The following PCMT1 variants were observed in gnomAD, a reference collection of about 807,000 sequenced individuals.
PCMT1 encodes protein-L-isoaspartate (D-aspartate) O-methyltransferase.
PCMT1 carries 9 observed loss-of-function variants against 29.2 expected under a neutral mutation model. The ratio of observed to expected loss-of-function variants is 0.31; its 90% CI spans 0.19 to 0.54. The LOEUF (loss-of-function observed/expected upper bound fraction) is 0.54, where lower values mean the gene tolerates loss of function less well. PCMT1 is among the 20% of genes least tolerant of loss of function. The probability of loss-of-function intolerance (pLI) is 0.95; values close to 1 mark genes in which losing one functional copy is unlikely to be tolerated. For missense variants in PCMT1, 184 were observed against 282.2 expected, an observed-to-expected ratio of 0.65 and a Z score of 2.49; for synonymous variants, 98 against 97.5, an observed-to-expected ratio of 1.00 and a Z score of -0.03.
chr6:149,804,365 T>G (rs1337278918), intron 7 of PCMT1, among the ~76,000 whole-genome samples: 1 of 152,100 alleles, frequency 6.6e-6, no homozygotes, highest in East Asian at 1.9e-4. Context: ...GCCTATAATT[T>G]ATAATTTATA....
intron 3 of PCMT1, among the ~76,000 whole-genome samples, chr6:149,774,880 G>A (rs990564533): frequency 6.6e-6 from 1 of 151,240 alleles, no homozygotes; most frequent in Non-Finnish European, 1.5e-5. Context: ...CTAGTTTTTT[G>A]TATTTTTTAG....
At chr6:149,808,225 T>C (rs1288093643) in intron 7 of PCMT1, among the ~76,000 whole-genome samples, 2 of 152,060 alleles carry the variant, frequency 1.3e-5, no homozygotes, top group African/African-American at 4.8e-5. Context: ...TATATACAGT[T>C]ATTAACCTAA....
chr6:149,766,477 CAG>C (rs1262163917), intron 1 of PCMT1, among the ~76,000 whole-genome samples: 6 of 152,170 alleles, frequency 3.9e-5, no homozygotes, highest in African/African-American at 7.2e-5. Context: ...ATGTGACAAA[CAG>C]AAAGTGTAAC....
At chr6:149,794,247 G>A (rs1183867445) in intron 5 of PCMT1, among the ~76,000 whole-genome samples, 1 of 152,142 alleles carries the variant, frequency 6.6e-6, no homozygotes, top group Non-Finnish European at 1.5e-5. Context: ...TTGTGTATGT[G>A]TGAGGTAAAG....
At chr6:149,800,399 G>A (rs1357655419) in intron 6 of PCMT1, among the ~76,000 whole-genome samples, 2 of 152,126 alleles carry the variant, frequency 1.3e-5, no homozygotes, top group African/African-American at 4.8e-5. Flanking sequence ...AACCTGGGAG[G>A]CGGAGGTTGC....
At position 149,789,945 on chromosome 6, in the gene PCMT1, T is replaced by C. The variant is rs1388704794; in HGVS notation, c.193-9T>C. On this transcript the variant is annotated splice_polypyrimidine_tract_variant and intron_variant, in intron 3 of 7. Coordinates refer to ENST00000464889, the MANE Select transcript of PCMT1 (RefSeq NM_001360452.2). The stretch of plus-strand genomic sequence containing the variant: ...TAGTCTTAATGAATATTTTGTTTTC[T>C]TTTGGCAGCATGCATATGCGCTAGA... The C allele has an allele frequency of 6.3e-7, 1 of 1,576,994 alleles. No homozygotes were observed. The highest frequency in any genetic ancestry group is 1.9e-5 in the Admixed American group (1 of 52,700).
intron 6 of PCMT1, among the ~76,000 whole-genome samples, chr6:149,800,068 GT>G (rs1335385754): frequency 6.6e-6 from 1 of 152,130 alleles, no homozygotes; most frequent in Non-Finnish European, 1.5e-5. Context: ...GAAGTCAGCT[GT>G]TTTTCATTAT....
chr6:149,808,843 A>T (rs576205272), intron 7 of PCMT1, among the ~76,000 whole-genome samples: 1 of 151,758 alleles, frequency 6.6e-6, no homozygotes, highest in Non-Finnish European at 1.5e-5. Flanking sequence ...TCACCATGTT[A>T]GCCAGGATGG....
chr6:149,753,354 C>T (rs1562392975), intron 1 of PCMT1, among the ~76,000 whole-genome samples: 1 of 127,928 alleles, frequency 7.8e-6, no homozygotes. Flanking sequence ...TTTTTTGAGA[C>T]AGAGTTTCGC....
Position 149,789,841 on chromosome 6 carries a change from G to A in PCMT1, c.193-113G>A, listed in dbSNP as rs527238692. ...CTGGGCAGATAGCCAAGATAACTTG[G>A]TTATCTTGGTAGATGACAATAGTAG... is the stretch of plus-strand genomic sequence containing the variant. On this transcript the variant is annotated intron_variant, in intron 3 of 7. Coordinates refer to ENST00000464889, the MANE Select transcript of PCMT1 (RefSeq NM_001360452.2). 30 of 555,330 alleles carry A rather than the reference G, an allele frequency of 5.4e-5. No individual in the cohort carries two copies. The South Asian group carries it at 9.5e-4, about 18-fold the overall frequency. 34.4% of individuals were successfully genotyped at this position (555,330 alleles called of 1,614,324 possible). A position where few individuals can be genotyped will look rare whatever the true frequency, so the allele number is the denominator to read the frequency against.
intron 3 of PCMT1, among the ~76,000 whole-genome samples, chr6:149,786,157 G>A (rs531157097): frequency 4.0e-5 from 4 of 99,688 alleles, no homozygotes; most frequent in East Asian, 6.3e-4. Flanking sequence ...CTGGCCGGGC[G>A]GGGGGCTGAC....
At chr6:149,758,305 G>A (rs1421888852) in intron 1 of PCMT1, among the ~76,000 whole-genome samples, 1 of 148,776 alleles carries the variant, frequency 6.7e-6, no homozygotes, top group African/African-American at 2.5e-5. Context: ...CCGCCTCCCC[G>A]GTTCAAGCAA....
intron 1 of PCMT1, among the ~76,000 whole-genome samples, chr6:149,769,795 T>TTG (rs1328089105): frequency 9.3e-6 from 1 of 107,948 alleles, no homozygotes; most frequent in Non-Finnish European, 1.8e-5. Context: ...TTTTTTTTTT[T>TTG]TGTGGAGACA....
intron 5 of PCMT1, chr6:149,795,842 T>C (rs978387919): frequency 1.1e-5 from 2 of 182,228 alleles, no homozygotes; most frequent in African/African-American, 4.8e-5. Context: ...GCAAAAAATA[T>C]TTATCTTGGG....
intron 2 of PCMT1, chr6:149,772,252 A>G (rs963659167): frequency 2.8e-5 from 10 of 356,414 alleles, no homozygotes; most frequent in African/African-American, 2.1e-4. Flanking sequence ...AAGCAGGTAA[A>G]TAAGTTTTGA....
chr6:149,775,729 G>A (rs745755980), intron 3 of PCMT1, among the ~76,000 whole-genome samples: 1 of 152,044 alleles, frequency 6.6e-6, no homozygotes, highest in Non-Finnish European at 1.5e-5. Flanking sequence ...ACGATTGAGG[G>A]AAATATTGTA....
chr6:149,790,069 T>C lies in PCMT1; in HGVS notation c.297+11T>C. On this transcript the variant is annotated intron_variant, in intron 4 of 7. Transcript: ENST00000464889. Reference sequence around the variant, plus strand: ...TGTTTTGCACGTATGGTAAGAGTTTTATTTCTCACTCTGGCCCCAACAGAA... The same window carrying C: ...TGTTTTGCACGTATGGTAAGAGTTTCATTTCTCACTCTGGCCCCAACAGAA... The C allele has an allele frequency of 6.8e-7, 1 of 1,471,664 alleles. No homozygotes were observed. Among genetic ancestry groups the C allele is most frequent in the Non-Finnish European group, 9.4e-7 (1 of 1,059,756 alleles). The allele number at this position is 1,471,664 out of a possible 1,614,324, so 91.2% of individuals were successfully genotyped here.
intron 1 of PCMT1, chr6:149,750,167 G>A: frequency 1.5e-6 from 1 of 681,900 alleles, no homozygotes; most frequent in East Asian, 2.8e-5. Flanking sequence ...GAAGGGGAGA[G>A]AAAGAGCCAG....
chr6:149,749,720 C>T (rs1434422158), upstream of PCMT1: 2 of 1,538,152 alleles, frequency 1.3e-6, no homozygotes, highest in Non-Finnish European at 1.8e-6. Context: ...GCATGCGTGC[C>T]GCGGGGGATG....
Sources: gnomAD v4.1 joint callset for allele counts (sites outside exome capture counted in the v4.1 genomes callset) on GRCh38, gnomAD v4.1.1 for gene constraint, MANE v1.5 for transcripts, NCBI Gene and HGNC (gene_info 2026-07-23, HGNC 2026-07-21) for gene names.